SOX6: variants seen among roughly 807,000 people sequenced by gnomAD.
The protein encoded by SOX6 is SRY-box transcription factor 6.
Under a neutral mutation model 97.8 loss-of-function variants are expected in SOX6, and 11 were observed. The observed-to-expected ratio is 0.11, with a 90% CI of 0.07 to 0.19. SOX6 has a LOEUF of 0.19. Among genes scored for constraint, SOX6 ranks in the 10% least tolerant of loss-of-function variants. The probability of loss-of-function intolerance (pLI) is 1.00; values close to 1 mark genes in which losing one functional copy is unlikely to be tolerated. For synonymous variants in SOX6, 360 were observed against 371.4 expected, an observed-to-expected ratio of 0.97 and a Z score of 0.35; for missense variants, 810 against 1,039.5, an observed-to-expected ratio of 0.78 and a Z score of 3.04.
chr11:16,541,994 A>G (rs1302900893), intron 4 of SOX6, among the ~76,000 whole-genome samples: 1 of 152,142 alleles, frequency 6.6e-6, no homozygotes, highest in Non-Finnish European at 1.5e-5. Flanking sequence ...AAATCATGCT[A>G]CTATTAAGAC....
intron 6 of SOX6, among the ~76,000 whole-genome samples, chr11:16,176,128 A>G (rs760558529): frequency 6.6e-6 from 1 of 151,768 alleles, no homozygotes; most frequent in Non-Finnish European, 1.5e-5. Context: ...AGAGAGAGAG[A>G]GAGAGAGATT....
chr11:16,062,195 AT>A lies in SOX6; in HGVS notation c.1102-6295del, dbSNP rs929094700. On this transcript the variant is annotated intron_variant, in intron 9 of 15. Transcript: ENST00000683767. ...TGAGCCATAACTAATGAGTAGTAAC[AT>A]TTTTTCTTCTCAGTCTAGTTATTAA... Among the ~76,000 whole-genome samples, 28 of 151,642 alleles carry A rather than the reference AT, an allele frequency of 1.8e-4. 1 individual carries two copies. In the East Asian group the frequency reaches 5.4e-3, roughly 29 times the overall value.
At chr11:16,547,965 A>G (rs911050757) in intron 4 of SOX6, among the ~76,000 whole-genome samples, 4 of 152,180 alleles carry the variant, frequency 2.6e-5, no homozygotes, top group African/African-American at 7.2e-5. Flanking sequence ...AGATGCAAGG[A>G]AAATAATAAT....
chr11:16,562,519 G>GA (rs1291000275), intron 4 of SOX6, among the ~76,000 whole-genome samples: 6 of 152,054 alleles, frequency 3.9e-5, no homozygotes, highest in African/African-American at 9.7e-5. Flanking sequence ...AAACACTGGA[G>GA]AAAAAATACT....
chr11:16,093,002 C>T (rs1217385121), intron 9 of SOX6, among the ~76,000 whole-genome samples: 2 of 151,872 alleles, frequency 1.3e-5, no homozygotes, highest in African/African-American at 4.8e-5. Flanking sequence ...TACTTAAGGA[C>T]CAATGATAAC....
At chr11:16,354,388 C>A (rs1213509967) in intron 1 of SOX6, among the ~76,000 whole-genome samples, 1 of 151,858 alleles carries the variant, frequency 6.6e-6, no homozygotes, top group South Asian at 2.1e-4. Flanking sequence ...AAAAATTCCA[C>A]GGAATATAAG....
intron 6 of SOX6, among the ~76,000 whole-genome samples, chr11:16,158,776 C>T (rs1033341178): frequency 1.3e-5 from 2 of 151,932 alleles, no homozygotes; most frequent in African/African-American, 4.8e-5. Context: ...ATTATGACTA[C>T]ACACTTTTTC....
chr11:16,243,490 G>T (rs2134188510), intron 3 of SOX6, among the ~76,000 whole-genome samples: 1 of 151,796 alleles, frequency 6.6e-6, no homozygotes, highest in African/African-American at 2.4e-5. Context: ...GTGTCAAGCA[G>T]CTATAAAACT....
chr11:16,414,967 T>A (rs73433533), intron 1 of SOX6, among the ~76,000 whole-genome samples: 2,749 of 152,262 alleles, frequency 0.018, 87 homozygotes, highest in African/African-American at 0.06. Flanking sequence ...AAATAATGTA[T>A]GCTAGAATAC....
At chr11:16,394,445 A>T (rs190002277) in intron 1 of SOX6, among the ~76,000 whole-genome samples, 1 of 151,934 alleles carries the variant, frequency 6.6e-6, no homozygotes. Context: ...AACAAAAAAA[A>T]GTTCCAGCAT....
chr11:16,485,851 G>A (rs1332539547), intron 4 of SOX6, among the ~76,000 whole-genome samples: 5 of 145,574 alleles, frequency 3.4e-5, no homozygotes, highest in East Asian at 4.1e-4. Context: ...TTATGATCAC[G>A]CCACTGCATT....
Position 16,305,830 on chromosome 11 carries a change from C to A in SOX6, c.445+12616G>T, listed in dbSNP as rs1459141054. ...CTGAGTTTTTTTTTTTAAGTAAATT[C>A]TAAAAAGCTACATACTATATAATTC... On this transcript the variant is annotated intron_variant, in intron 3 of 15. Transcript: ENST00000683767. Among the ~76,000 whole-genome samples, 5 of 151,264 alleles carry A rather than the reference C, an allele frequency of 3.3e-5. No individual in the cohort carries two copies. The East Asian group carries it at 9.7e-4, about 29-fold the overall frequency.
intron 3 of SOX6, among the ~76,000 whole-genome samples, chr11:16,299,493 G>A (rs1210609566): frequency 1.3e-5 from 2 of 152,076 alleles, no homozygotes; most frequent in African/African-American, 4.8e-5. Flanking sequence ...CTGAAATACA[G>A]TAAAGTGGCA....
chr11:16,658,298 G>T (rs574432876), intron 3 of SOX6, among the ~76,000 whole-genome samples: 8 of 152,224 alleles, frequency 5.3e-5, no homozygotes, highest in Non-Finnish European at 1.0e-4. Flanking sequence ...TTTCTCTTTT[G>T]TGAAACACCA....
chr11:16,331,474 C>A (rs139987995), intron 2 of SOX6, among the ~76,000 whole-genome samples: 308 of 152,284 alleles, frequency 2.0e-3, no homozygotes, highest in African/African-American at 7.3e-3. Context: ...TTCACTAGAT[C>A]TTGTCCAGTA....
At chr11:16,445,750 T>C (rs973444335) in intron 1 of SOX6, among the ~76,000 whole-genome samples, 27 of 152,204 alleles carry the variant, frequency 1.8e-4, no homozygotes, top group African/African-American at 6.5e-4. Context: ...TCAATTCTCC[T>C]CTGGGGTAGC....
At chr11:16,662,550 T>C (rs974741312) in intron 3 of SOX6, among the ~76,000 whole-genome samples, 9 of 151,998 alleles carry the variant, frequency 5.9e-5, no homozygotes, top group South Asian at 2.1e-4. Context: ...AAAAGGATAA[T>C]AAATAATGAC....
chr11:16,630,327 G>C (rs1590020844), intron 3 of SOX6, among the ~76,000 whole-genome samples: 1 of 152,048 alleles, frequency 6.6e-6, no homozygotes, highest in East Asian at 1.9e-4. Flanking sequence ...GTTTATTTCT[G>C]CCTTAATTTC....
At chr11:16,438,695 A>G (rs562328585) in intron 1 of SOX6, among the ~76,000 whole-genome samples, 16 of 142,064 alleles carry the variant, frequency 1.1e-4, no homozygotes, top group African/African-American at 3.8e-4. Context: ...TCTTTCTACA[A>G]TATCAGTGAA....
Sources: allele counts gnomAD v4.1 joint callset (sites outside exome capture counted in the v4.1 genomes callset), GRCh38; gene constraint gnomAD v4.1.1; transcripts MANE v1.5; gene names NCBI Gene and HGNC (gene_info 2026-07-23, HGNC 2026-07-21).